Variants in RAB1A observed in about 807,000 individuals in gnomAD.
RAB1A encodes the protein ras-related protein Rab-1A.
A neutral mutation model predicts 26.0 loss-of-function variants in RAB1A; 2 were observed. The observed-to-expected ratio is 0.08, with a 90% CI of 0.03 to 0.24. The LOEUF is 0.24. Ranked by LOEUF, RAB1A falls within the 10% of genes least tolerant of loss-of-function variation. RAB1A has a pLI of 1.00. For missense variants in RAB1A, 100 were observed against 247.0 expected (o/e 0.40, Z 3.99); for synonymous variants, 84 against 84.9 (o/e 0.99, Z 0.06).
At chr2:65,088,795 T>A in intron 5 of RAB1A, 105 bp from the exon 6 acceptor site, 13 of 1,309,598 alleles carry the variant, frequency 9.9e-6, no homozygotes, top group Non-Finnish European at 1.4e-5. Flanking sequence ...GTTCATTGGA[T>A]CCAAACAGAT....
intron 1 of RAB1A, among the ~76,000 whole-genome samples, chr2:65,113,378 C>G (rs1009225554): frequency 1.3e-5 from 2 of 152,040 alleles, no homozygotes; most frequent in Admixed American, 6.6e-5. Flanking sequence ...CAGTGGTGCA[C>G]ACCTGTAGTC....
Position 65,105,712 on chromosome 2 carries a change from C to T in RAB1A, c.24-906G>A, listed in dbSNP as rs79470055. Among the ~76,000 whole-genome samples the T allele has an allele frequency of 0.022, 3,378 of 151,982 alleles. 211 individuals carry two copies. In the East Asian group the frequency reaches 0.23, roughly 10 times the overall value. ...ACAGGCTGTTTATCCAAGTGCAAAACTTGACTAACACTCTACACTTGTATT... is the reference window on the plus strand; with the variant it reads ...ACAGGCTGTTTATCCAAGTGCAAAATTTGACTAACACTCTACACTTGTATT... On this transcript the variant is annotated intron_variant, in intron 1 of 5. Transcript: ENST00000409784.
At chr2:65,112,073 A>G (rs930385328) in intron 1 of RAB1A, among the ~76,000 whole-genome samples, 17 of 151,564 alleles carry the variant, frequency 1.1e-4, no homozygotes, top group African/African-American at 4.1e-4. Context: ...ACAGAACAAG[A>G]CTCCATCTCA....
At position 65,096,172 on chromosome 2, in the gene RAB1A, G is replaced by A. The variant is rs184429209; in HGVS notation, c.192+1799C>T. On this transcript the variant is annotated intron_variant, in intron 3 of 5. Transcript: ENST00000409784. Reference sequence around the variant, plus strand: ...CATCTCAAAAAAAAAAAAATTGTCCGGGCATGGTGGTACACACATATAATC... The same window carrying A: ...CATCTCAAAAAAAAAAAAATTGTCCAGGCATGGTGGTACACACATATAATC... Among the ~76,000 whole-genome samples the A allele has an allele frequency of 2.6e-3, 392 of 150,458 alleles. 5 individuals carry two copies. The highest frequency in any genetic ancestry group is 9.1e-3 in the African/African-American group (371 of 40,844).
chr2:65,097,028 C>T (rs1669304939), intron 3 of RAB1A, among the ~76,000 whole-genome samples: 2 of 150,806 alleles, frequency 1.3e-5, no homozygotes, highest in Non-Finnish European at 2.9e-5. Context: ...TCCCCAGAGA[C>T]ACAAACCCAT....
intron 1 of RAB1A, among the ~76,000 whole-genome samples, chr2:65,118,349 T>C (rs1669872067): frequency 6.6e-6 from 1 of 152,194 alleles, no homozygotes. Flanking sequence ...CATGAGTCAT[T>C]TTCTTAATTT....
chr2:65,106,877 T>C (rs986888634), intron 1 of RAB1A, among the ~76,000 whole-genome samples: 1 of 151,934 alleles, frequency 6.6e-6, no homozygotes, highest in African/African-American at 2.4e-5. Flanking sequence ...AATATTCTTC[T>C]TTCTTTTTTT....
At chr2:65,119,990 T>C (rs1043315576) in intron 1 of RAB1A, among the ~76,000 whole-genome samples, 1 of 151,950 alleles carries the variant, frequency 6.6e-6, no homozygotes, top group African/African-American at 2.4e-5. Flanking sequence ...ATCCAACTGC[T>C]CTTCATCAGG....
At chr2:65,129,245 G>A (rs949955927) in intron 1 of RAB1A, among the ~76,000 whole-genome samples, 9 of 149,576 alleles carry the variant, frequency 6.0e-5, no homozygotes, top group Non-Finnish European at 8.9e-5. Context: ...GTTTTTATAG[G>A]AGGGCAATGG....
rs143795481 is a variant in RAB1A, at chr2:65,091,290, G to A, written c.193-212C>T. On this transcript the variant is annotated intron_variant, in intron 3 of 5. Coordinates refer to ENST00000409784, the MANE Select transcript of RAB1A (RefSeq NM_004161.5). ...AAGTAGTACCTACAATTGAGCTTACGATAATAATACTAAAATTACAAGCTG... is the reference window on the plus strand; with the variant it reads ...AAGTAGTACCTACAATTGAGCTTACAATAATAATACTAAAATTACAAGCTG... Among the ~76,000 whole-genome samples, 204 of 152,222 alleles carry A rather than the reference G, an allele frequency of 1.3e-3. 1 individual carries two copies. The highest frequency in any genetic ancestry group is 4.9e-3 in the African/African-American group (202 of 41,550).
chr2:65,116,742 T>G (rs1191001108), intron 1 of RAB1A, among the ~76,000 whole-genome samples: 1 of 152,184 alleles, frequency 6.6e-6, no homozygotes, highest in Non-Finnish European at 1.5e-5. Context: ...TAATCTAAAG[T>G]TAAAGTTTAA....
intron 2 of RAB1A, among the ~76,000 whole-genome samples, chr2:65,102,689 A>C (rs545806682): frequency 1.3e-5 from 2 of 151,924 alleles, no homozygotes; most frequent in East Asian, 3.9e-4. Flanking sequence ...GCACTTTGGG[A>C]GGCTGAGACA....
chr2:65,093,544 A>C (rs1171517769), intron 3 of RAB1A, among the ~76,000 whole-genome samples: 1 of 152,224 alleles, frequency 6.6e-6, no homozygotes, highest in East Asian at 1.9e-4. Flanking sequence ...CAAGATTTTG[A>C]AAAGACCTAG....
At chr2:65,092,332 C>T (rs1353421486) in intron 3 of RAB1A, among the ~76,000 whole-genome samples, 2 of 151,770 alleles carry the variant, frequency 1.3e-5, no homozygotes, top group African/African-American at 2.4e-5. Flanking sequence ...AGCATGAACT[C>T]GAGGATCAAG....
intron 1 of RAB1A, among the ~76,000 whole-genome samples, chr2:65,129,643 C>T (rs1228151534): frequency 6.6e-6 from 1 of 152,038 alleles, no homozygotes. Context: ...ACCCGCCCCG[C>T]AGTCAGGCCC....
At chr2:65,123,419 C>T (rs907929777) in intron 1 of RAB1A, among the ~76,000 whole-genome samples, 3 of 151,886 alleles carry the variant, frequency 2.0e-5, no homozygotes, top group South Asian at 2.1e-4. Flanking sequence ...TCGCCCACCT[C>T]GGCCTCCCAA....
intron 1 of RAB1A, among the ~76,000 whole-genome samples, chr2:65,127,224 G>C (rs2103891370): frequency 6.6e-6 from 1 of 152,210 alleles, no homozygotes; most frequent in Non-Finnish European, 1.5e-5. Context: ...TCATTTATGA[G>C]CCATTCCTCC....
intron 1 of RAB1A, among the ~76,000 whole-genome samples, chr2:65,129,071 G>A (rs1228296823): frequency 6.6e-6 from 1 of 151,494 alleles, no homozygotes; most frequent in Non-Finnish European, 1.5e-5. Flanking sequence ...CATAGGTCCC[G>A]TTCGTTTCTC....
intron 1 of RAB1A, among the ~76,000 whole-genome samples, chr2:65,113,625 T>G (rs540621671): frequency 1.4e-4 from 21 of 152,246 alleles, no homozygotes; most frequent in Non-Finnish European, 2.8e-4. Flanking sequence ...AAATTCTATT[T>G]AGGTAAAATT....
Sources: allele counts gnomAD v4.1 joint callset (sites outside exome capture counted in the v4.1 genomes callset), GRCh38; gene constraint gnomAD v4.1.1; transcripts MANE v1.5; gene names NCBI Gene and HGNC (gene_info 2026-07-23, HGNC 2026-07-21).